Variants in MBP observed in about 807,000 individuals in gnomAD.
MBP encodes the protein myelin basic protein.
A neutral mutation model predicts 35.8 loss-of-function variants in MBP; 16 were observed. That is an observed-to-expected ratio of 0.45 (90% CI 0.30 to 0.68). The LOEUF is 0.68. Among genes scored for constraint, MBP ranks in the 30% least tolerant of loss-of-function variants. The pLI is 0.08. For synonymous variants in MBP, 143 were observed against 159.6 expected (o/e 0.90, Z 0.78); for missense variants, 380 against 404.7 (o/e 0.94, Z 0.52).
At chr18:77,026,136 G>A (rs1972212792) in intron 3 of MBP, among the ~76,000 whole-genome samples, 1 of 152,238 alleles carries the variant, frequency 6.6e-6, no homozygotes, top group Non-Finnish European at 1.5e-5. Context: ...TCTGGTCAGG[G>A]GGCCCTGCCG....
intron 4 of MBP, chr18:77,015,934 G>C (rs75064842): frequency 1.0e-6 from 1 of 985,308 alleles, no homozygotes; most frequent in African/African-American, 1.7e-5. Flanking sequence ...CATCTTACAG[G>C]TTGTGTGAGA....
At chr18:77,027,377 G>A (rs1369989008) in intron 3 of MBP, among the ~76,000 whole-genome samples, 1 of 152,140 alleles carries the variant, frequency 6.6e-6, no homozygotes, top group African/African-American at 2.4e-5. Flanking sequence ...GCCTGCACAC[G>A]CCTGCCCGCA....
chr18:77,087,465 G>GC (rs2144988089), intron 2 of MBP: 1 of 10,296 alleles, frequency 9.7e-5, no homozygotes, highest in Non-Finnish European at 4.6e-4. Context: ...CGCGGAGCTC[G>GC]CCAGCCCTAG....
At chr18:77,067,776 C>A in intron 2 of MBP, 1 of 497,640 alleles carries the variant, frequency 2.0e-6, no homozygotes, top group Non-Finnish European at 4.0e-6. Context: ...TCCTGGGAGC[C>A]TTTAACCCAG....
At chr18:77,105,135 GC>G in intron 2 of MBP, 75 bp downstream of exon 2, 1 of 1,421,850 alleles carries the variant, frequency 7.0e-7, no homozygotes, top group Non-Finnish European at 9.9e-7. Flanking sequence ...CATGCCCGTA[GC>G]CTCTGACACA....
intron 2 of MBP, among the ~76,000 whole-genome samples, chr18:77,103,098 A>G (rs923837562): frequency 2.6e-5 from 4 of 152,230 alleles, no homozygotes; most frequent in African/African-American, 9.6e-5. Context: ...TAATCAAGAT[A>G]AAATATACAC....
intron 3 of MBP, among the ~76,000 whole-genome samples, chr18:77,032,092 G>A (rs753664679): frequency 9.8e-5 from 15 of 152,326 alleles, no homozygotes; most frequent in African/African-American, 2.6e-4. Context: ...AGAAGGCGCC[G>A]GGGGCACGCA....
At chr18:77,023,431 C>A (rs1972070424) in intron 3 of MBP, among the ~76,000 whole-genome samples, 1 of 152,128 alleles carries the variant, frequency 6.6e-6, no homozygotes, top group Non-Finnish European at 1.5e-5. Flanking sequence ...GTGACCACAA[C>A]CCCCCGCTTC....
chr18:77,029,793 A>AACACACACACACAC (rs754016352), intron 3 of MBP, among the ~76,000 whole-genome samples: 1 of 150,424 alleles, frequency 6.6e-6, no homozygotes, highest in African/African-American at 2.4e-5. Flanking sequence ...CACACACACA[A>AACACACACACACAC]ACACACACAC....
intron 4 of MBP, among the ~76,000 whole-genome samples, chr18:76,998,613 T>C (rs1367842395): frequency 6.6e-6 from 1 of 152,218 alleles, no homozygotes; most frequent in Non-Finnish European, 1.5e-5. Flanking sequence ...GAGGTTCCCT[T>C]ATTCTTTGAA....
rs1025283144 is a variant in MBP, at chr18:77,101,739, C to T, written c.51+3472G>A. 1.1e-4 allele frequency among the ~76,000 whole-genome samples: 17 copies of T among 152,206 alleles called. No individual in the cohort carries two copies. Among genetic ancestry groups the T allele is most frequent in the East Asian group, 5.8e-4 (3 of 5,182 alleles). ...CTCTTACATCCTGCCGTGGCTTATT[C>T]GGGATGAGAGAGAAGCAAATTTCAA... is the stretch of plus-strand genomic sequence containing the variant. On this transcript the variant is annotated intron_variant, in intron 2 of 8. Coordinates refer to ENST00000355994, the MANE Select transcript of MBP (RefSeq NM_001025101.2). The surrounding 1 kb of genome is among the most constrained non-coding windows in gnomAD (Gnocchi z 4.3).
At chr18:76,985,607 G>A in intron 7 of MBP, 1 of 1,066,692 alleles carries the variant, frequency 9.4e-7, no homozygotes, top group Non-Finnish European at 1.1e-6. Flanking sequence ...AGAGGGAGGA[G>A]GCAGGCCTGG....
At chr18:77,082,902 G>C (rs1233286099) in intron 2 of MBP, among the ~76,000 whole-genome samples, 1 of 100,242 alleles carries the variant, frequency 1.0e-5, no homozygotes, top group African/African-American at 3.5e-5. Context: ...TGAAATGTGG[G>C]GAATTAACAT....
intron 3 of MBP, among the ~76,000 whole-genome samples, chr18:77,053,551 C>G (rs555827): frequency 0.82 from 124,002 of 151,654 alleles, 50,874 homozygotes; most frequent in East Asian, 0.94. Context: ...AAAGCACACA[C>G]GGGTACTCTT....
chr18:76,985,717 G>T, intron 7 of MBP: 1 of 1,010,694 alleles, frequency 9.9e-7, no homozygotes, highest in Non-Finnish European at 1.2e-6. Flanking sequence ...CCGGCTGTGT[G>T]GCCTTGGGCA....
chr18:77,073,231 T>C (rs1974519806), intron 2 of MBP, among the ~76,000 whole-genome samples: 1 of 152,150 alleles, frequency 6.6e-6, no homozygotes, highest in Non-Finnish European at 1.5e-5. Context: ...TGTATATATA[T>C]AAAAAGACTA....
chr18:77,106,060 C>T (rs1250226984), intron 1 of MBP, among the ~76,000 whole-genome samples: 1 of 152,206 alleles, frequency 6.6e-6, no homozygotes, highest in Non-Finnish European at 1.5e-5. Context: ...GCCCAGACCA[C>T]GCTGCAGGTG....
intron 2 of MBP, among the ~76,000 whole-genome samples, chr18:77,068,016 CGTGTGT>C (rs56090018): frequency 4.0e-5 from 6 of 149,624 alleles, no homozygotes; most frequent in Non-Finnish European, 7.4e-5. Context: ...CCCTCCATCC[CGTGTGT>C]GTGTGTGTGT....
rs539284057 is a variant in MBP, at chr18:77,049,176, T to C, written c.139+17122A>G. On this transcript the variant is annotated intron_variant, in intron 3 of 8. Coordinates refer to ENST00000355994, the MANE Select transcript of MBP (RefSeq NM_001025101.2). ...CCTCGTGATCCGCCCACCTCGGCCTTCCAAAGTGCTGGGATTACAGGTGTG... is the reference window on the plus strand; with the variant it reads ...CCTCGTGATCCGCCCACCTCGGCCTCCCAAAGTGCTGGGATTACAGGTGTG... Among the ~76,000 whole-genome samples, 326 of 149,316 alleles carry C rather than the reference T, an allele frequency of 2.2e-3. 1 individual carries two copies. Among genetic ancestry groups the C allele is most frequent in the African/African-American group, 7.4e-3 (298 of 40,486 alleles).
Sources: allele counts gnomAD v4.1 joint callset (sites outside exome capture counted in the v4.1 genomes callset), GRCh38; gene constraint gnomAD v4.1.1; non-coding constraint Gnocchi (gnomAD v3.1); transcripts MANE v1.5; gene names NCBI Gene and HGNC (gene_info 2026-07-23, HGNC 2026-07-21).